WNT7B: variants seen among roughly 807,000 people sequenced by gnomAD.
WNT7B encodes the protein Wnt family member 7B.
Under a neutral mutation model 38.2 loss-of-function variants are expected in WNT7B, and 19 were observed. The ratio of observed to expected loss-of-function variants is 0.50; its 90% CI spans 0.35 to 0.73. WNT7B has a LOEUF of 0.73. Among genes scored for constraint, WNT7B ranks in the 30% least tolerant of loss-of-function variants. The probability of loss-of-function intolerance (pLI) is 0.01; values close to 1 mark genes in which losing one functional copy is unlikely to be tolerated. For missense variants in WNT7B, 423 were observed against 507.9 expected (o/e 0.83, Z 1.61); for synonymous variants, 243 against 209.3 (o/e 1.16, Z -1.39).
intron 2 of WNT7B, among the ~76,000 whole-genome samples, chr22:45,941,338 C>T (rs1160055240): frequency 2.6e-5 from 4 of 152,158 alleles, no homozygotes; most frequent in South Asian, 2.1e-4. Flanking sequence ...GGCGAAACCC[C>T]GTCTGTACTA....
chr22:45,964,547 C>T (rs568789887), intron 1 of WNT7B, among the ~76,000 whole-genome samples: 1 of 152,170 alleles, frequency 6.6e-6, no homozygotes, highest in Non-Finnish European at 1.5e-5. Context: ...AACACTTCCC[C>T]GTCAGTGGTG....
chr22:45,956,021 C>T (rs577368639), intron 1 of WNT7B, among the ~76,000 whole-genome samples: 7 of 152,160 alleles, frequency 4.6e-5, no homozygotes, highest in South Asian at 2.1e-4. Flanking sequence ...GAGGTGGCTG[C>T]GGTGGGGGTG....
chr22:45,932,207 G>A (rs886934547), intron 2 of WNT7B, among the ~76,000 whole-genome samples: 3 of 152,148 alleles, frequency 2.0e-5, no homozygotes, highest in Non-Finnish European at 2.9e-5. Flanking sequence ...AGCTGGGAGG[G>A]GAGGGTCCCA....
In WNT7B at chr22:45,938,899, G is replaced by A. The variant is rs149356178; in HGVS notation, c.299-7530C>T. ...ACCCCATAAATATGTGTAATATTACGTATTAATTTTCAATCAAAAAATAAA... is the reference window on the plus strand; with the variant it reads ...ACCCCATAAATATGTGTAATATTACATATTAATTTTCAATCAAAAAATAAA... On this transcript the variant is annotated intron_variant, in intron 2 of 3. Coordinates refer to ENST00000339464, the MANE Select transcript of WNT7B (RefSeq NM_058238.3). Among the ~76,000 whole-genome samples the A allele has an allele frequency of 4.0e-3, 605 of 152,236 alleles. 4 individuals carry two copies. The highest frequency in any genetic ancestry group is 0.014 in the African/African-American group (586 of 41,536).
chr22:45,928,031 C>T (rs182139227), intron 3 of WNT7B, among the ~76,000 whole-genome samples: 29 of 152,334 alleles, frequency 1.9e-4, no homozygotes, highest in African/African-American at 6.5e-4. Context: ...GAAGTCTCCT[C>T]CCCTGCTGCC....
At chr22:45,928,323 C>A (rs1389978335) in intron 3 of WNT7B, among the ~76,000 whole-genome samples, 3 of 152,208 alleles carry the variant, frequency 2.0e-5, no homozygotes, top group African/African-American at 4.8e-5. Context: ...CCTACACCCA[C>A]CTCCCACTGC....
chr22:45,926,334 G>T, intron 3 of WNT7B: 1 of 985,438 alleles, frequency 1.0e-6, no homozygotes, highest in Non-Finnish European at 1.2e-6. Flanking sequence ...GCTGCAGGCT[G>T]CCGCAGGGGC....
At chr22:45,938,052 A>G (rs1238643253) in intron 2 of WNT7B, among the ~76,000 whole-genome samples, 1 of 152,206 alleles carries the variant, frequency 6.6e-6, no homozygotes, top group East Asian at 1.9e-4. Context: ...TAAAATGGTT[A>G]ACAACTCAAT....
chr22:45,946,083 G>A (rs894562290), intron 2 of WNT7B, among the ~76,000 whole-genome samples: 2 of 152,154 alleles, frequency 1.3e-5, no homozygotes, highest in East Asian at 1.9e-4. Flanking sequence ...TGGGGGCGGC[G>A]CAGTGGTTGG....
intron 1 of WNT7B, among the ~76,000 whole-genome samples, chr22:45,970,229 G>C (rs1932403587): frequency 1.3e-5 from 2 of 152,204 alleles, no homozygotes; most frequent in South Asian, 4.1e-4. Context: ...CAGGGATGCA[G>C]TCTGCCTTCC....
At chr22:45,941,500 C>G (rs904849060) in intron 2 of WNT7B, among the ~76,000 whole-genome samples, 1 of 144,304 alleles carries the variant, frequency 6.9e-6, no homozygotes, top group Non-Finnish European at 1.5e-5. Context: ...GACACTCCAG[C>G]CTTTGTCTCA....
intron 3 of WNT7B, among the ~76,000 whole-genome samples, chr22:45,929,275 T>G (rs1931206784): frequency 6.6e-6 from 1 of 152,192 alleles, no homozygotes; most frequent in African/African-American, 2.4e-5. Flanking sequence ...TGGACTGTGA[T>G]CTGCCTGTAC....
intron 3 of WNT7B, 29 bp from the exon 4 acceptor site, chr22:45,923,364 C>A: frequency 6.4e-7 from 1 of 1,572,468 alleles, no homozygotes. Context: ...CTGCTCGGCA[C>A]GGCATGGCCC....
chr22:45,941,061 TC>T (rs1304537521), intron 2 of WNT7B, among the ~76,000 whole-genome samples: 2 of 152,024 alleles, frequency 1.3e-5, no homozygotes, highest in East Asian at 3.9e-4. Context: ...AAAGGGACCC[TC>T]CACCCCACCC....
At chr22:45,932,212 G>C (rs751254624) in intron 2 of WNT7B, among the ~76,000 whole-genome samples, 5 of 152,172 alleles carry the variant, frequency 3.3e-5, no homozygotes, top group South Asian at 4.1e-4. Flanking sequence ...GGAGGGGAGG[G>C]TCCCAGGTCA....
intron 1 of WNT7B, among the ~76,000 whole-genome samples, chr22:45,971,777 G>C (rs1415069994): frequency 6.6e-6 from 1 of 152,208 alleles, no homozygotes; most frequent in African/African-American, 2.4e-5. Context: ...CGCCGCGTGG[G>C]TTAATATGGG....
intron 1 of WNT7B, among the ~76,000 whole-genome samples, chr22:45,956,395 A>T (rs1245364586): frequency 6.6e-6 from 1 of 152,118 alleles, no homozygotes. Flanking sequence ...CTAGACACAC[A>T]ATCTCCGACC....
At position 45,922,339 on chromosome 22, in the gene WNT7B, CCT is replaced by C. The variant is rs1485546454; in HGVS notation, c.*515_*516del. On this transcript the variant is annotated 3_prime_UTR_variant, in exon 4 of 4. Transcript: ENST00000339464. ...CTGGCTATGTGTTAGTGCCGAGAAT[CCT>C]CTTCTGATACTAAGAAAACATAAAT... The C allele has an allele frequency of 6.4e-6, 1 of 157,228 alleles. No individual in the cohort carries two copies. The highest frequency in any genetic ancestry group is 1.9e-4 in the East Asian group (1 of 5,380). The allele number at this position is 157,228 out of a possible 1,614,324, so 9.7% of individuals were successfully genotyped here.
rs2146749033 is a variant in WNT7B, at chr22:45,965,196, AC to A, written c.71+11487del. 6.6e-6 allele frequency among the ~76,000 whole-genome samples: 1 copy of A among 151,210 alleles called. No individual in the cohort carries two copies. The highest frequency in any genetic ancestry group is 2.1e-4 in the South Asian group (1 of 4,778). ...ACGTCTGTCCCTTTCCCAGGAACCC[AC>A]CTTCCTTCCCTCCAGCAGGTCCTTC... On this transcript the variant is annotated intron_variant, in intron 1 of 3. Coordinates refer to ENST00000339464, the MANE Select transcript of WNT7B (RefSeq NM_058238.3). The surrounding 1 kb of genome is among the most constrained non-coding windows in gnomAD (Gnocchi z 6.5).
Sources: gnomAD v4.1 joint callset for allele counts (sites outside exome capture counted in the v4.1 genomes callset) on GRCh38, gnomAD v4.1.1 for gene constraint, Gnocchi (gnomAD v3.1) non-coding constraint, MANE v1.5 for transcripts, NCBI Gene and HGNC (gene_info 2026-07-23, HGNC 2026-07-21) for gene names.